Variants in KDM1B observed in about 807,000 individuals in gnomAD.
The protein encoded by KDM1B is lysine-specific histone demethylase 2.
A neutral mutation model predicts 107.4 loss-of-function variants in KDM1B; 63 were observed. The ratio of observed to expected loss-of-function variants is 0.59; its 90% CI spans 0.48 to 0.72. The LOEUF is 0.72. KDM1B is among the 30% of genes least tolerant of loss of function. The pLI, the probability that KDM1B is intolerant of heterozygous loss-of-function variation, is 0.00. For synonymous variants in KDM1B, 363 were observed against 363.9 expected, an observed-to-expected ratio of 1.00 and a Z score of 0.03; for missense variants, 749 against 1,020.8, an observed-to-expected ratio of 0.73 and a Z score of 3.63.
chr6:18,195,993 C>A (rs981798930), intron 10 of KDM1B, among the ~76,000 whole-genome samples: 2 of 152,030 alleles, frequency 1.3e-5, no homozygotes, highest in East Asian at 3.9e-4. Flanking sequence ...CCGCTATTCC[C>A]CCTCCCCTCA....
chr6:18,165,778 T>C (rs2328213), intron 5 of KDM1B, among the ~76,000 whole-genome samples: 140,529 of 152,304 alleles, frequency 0.92, 64,896 homozygotes, highest in African/African-American at 0.93. Flanking sequence ...GCCAAGATTG[T>C]GCCATTGCGC....
At chr6:18,196,943 A>T in intron 10 of KDM1B, 114 bp from the exon 11 acceptor site, 1 of 1,004,430 alleles carries the variant, frequency 1.0e-6, no homozygotes, top group South Asian at 1.6e-5. Context: ...TCTGCCTTTG[A>T]GAAATGTTGA....
chr6:18,194,952 C>T (rs894856758), intron 10 of KDM1B, among the ~76,000 whole-genome samples: 1 of 152,178 alleles, frequency 6.6e-6, no homozygotes, highest in African/African-American at 2.4e-5. Context: ...CTCATTTTCT[C>T]CTGCTCTCAG....
In KDM1B at chr6:18,213,022, G is replaced by C. The variant is rs889161309; in HGVS notation, c.1983+418G>C. ...ATTCTGACAGACCTATGAGTAGTGA[G>C]AGTTTAACTTAGGGACATACGCCCA... On this transcript the variant is annotated intron_variant, in intron 18 of 21. Coordinates refer to ENST00000650836, the MANE Select transcript of KDM1B (RefSeq NM_001364614.2). The surrounding 1 kb of genome is among the most constrained non-coding windows in gnomAD (Gnocchi z 5.9). Among the ~76,000 whole-genome samples the C allele has an allele frequency of 6.6e-6, 1 of 152,134 alleles. No homozygotes were observed. The highest frequency in any genetic ancestry group is 1.5e-5 in the Non-Finnish European group (1 of 68,024).
Position 18,205,258 on chromosome 6 carries a change from G to A in KDM1B, c.1532-279G>A, listed in dbSNP as rs537664837. On this transcript the variant is annotated intron_variant, in intron 14 of 21. Coordinates refer to ENST00000650836, the MANE Select transcript of KDM1B (RefSeq NM_001364614.2). This position sits in a 1 kb window ranked among gnomAD's most constrained non-coding sequence, Gnocchi z 5.7. ...CTTCTCAACGAAGCGAAATTGAGAC[G>A]TTTCTGAAGATATAGAACTTACATA... 3.9e-5 allele frequency among the ~76,000 whole-genome samples: 6 copies of A among 152,176 alleles called. No homozygotes were observed. Among genetic ancestry groups the A allele is most frequent in the Admixed American group, 6.6e-5 (1 of 15,254 alleles).
At chr6:18,210,355 T>TTTC in intron 17 of KDM1B, among the ~76,000 whole-genome samples, 1 of 47,960 alleles carries the variant, frequency 2.1e-5, no homozygotes. Flanking sequence ...TTTTTTTTTT[T>TTTC]TTTTTTTTTT....
At chr6:18,221,281 C>T (rs772863407) in intron 21 of KDM1B, among the ~76,000 whole-genome samples, 2 of 152,180 alleles carry the variant, frequency 1.3e-5, no homozygotes, top group African/African-American at 2.4e-5. Context: ...TCCACAGCCA[C>T]ATCTCAGACC....
At position 18,191,072 on chromosome 6, in the gene KDM1B, G is replaced by A. The variant is rs113339375; in HGVS notation, c.785-125G>A. 9.5e-3 allele frequency: 6,181 copies of A among 652,618 alleles called. 58 individuals are homozygous for A. The highest frequency in any genetic ancestry group is 9.4e-3 in the Non-Finnish European group (3,654 of 389,666). The allele number at this position is 652,618 out of a possible 1,614,324, so 40.4% of individuals were successfully genotyped here. ...TGTCTAACTGGGTGGAGGAAGCAAA[G>A]GTATTTATGTAGGGTAGAGAGTGGA... On this transcript the variant is annotated intron_variant, in intron 9 of 21. Transcript: ENST00000650836. The surrounding 1 kb of genome is among the most constrained non-coding windows in gnomAD (Gnocchi z 5.1).
intron 2 of KDM1B, among the ~76,000 whole-genome samples, chr6:18,157,497 A>C (rs546858092): frequency 1.6e-4 from 24 of 152,210 alleles, no homozygotes; most frequent in Non-Finnish European, 2.4e-4. Context: ...CCCAGGTGAC[A>C]GGGTCAAATG....
intron 20 of KDM1B, 85 bp from the exon 21 acceptor site, chr6:18,217,643 CTGGGA>C: frequency 9.3e-7 from 1 of 1,070,454 alleles, no homozygotes; most frequent in Non-Finnish European, 1.4e-6. Flanking sequence ...TCCCAAAGTG[CTGGGA>C]TGGGACTACA....
rs1321425886 is a variant in KDM1B at position 18,214,186 on chromosome 6, GGGAA to G, written c.2109+413_2109+416del. Among the ~76,000 whole-genome samples the G allele has an allele frequency of 6.6e-6, 1 of 152,120 alleles. No individual in the cohort carries two copies. The highest frequency in any genetic ancestry group is 6.5e-5 in the Admixed American group (1 of 15,274). On this transcript the variant is annotated intron_variant, in intron 19 of 21. Coordinates refer to ENST00000650836, the MANE Select transcript of KDM1B (RefSeq NM_001364614.2). The surrounding 1 kb of genome is among the most constrained non-coding windows in gnomAD (Gnocchi z 4.4). ...GAGTGTCAGCAGATGTGAGAGCTGA[GGGAA>G]GGAAGGAGAGAGGAGAATGGCATAC...
Position 18,215,056 on chromosome 6 carries a change from C to G in KDM1B, c.2159C>G (p.Ser720Cys), listed in dbSNP as rs758423524. The change falls in exon 20 of 22, where the codon TCC becomes TGC. Residue 720 changes from serine to cysteine, a missense_variant. Coordinates refer to ENST00000650836, the MANE Select transcript of KDM1B (RefSeq NM_001364614.2). ...GTGATTGCCGGGGAGGCTGTCGCAT[C>G]CGTGAGGACCCTGGATGACAAACAG... Reference protein sequence around the residue: ...MSVIAGEAVASVRTLDDKQVL... With the variant: ...MSVIAGEAVACVRTLDDKQVL... 9 of 1,613,958 alleles carry G rather than the reference C, an allele frequency of 5.6e-6. No homozygotes were observed. The highest frequency in any genetic ancestry group is 5.9e-6 in the Non-Finnish European group (7 of 1,180,020).
rs2150768175 is a variant in KDM1B, at chr6:18,162,260, G to T, written c.216-575G>T. 6.6e-6 allele frequency among the ~76,000 whole-genome samples: 1 copy of T among 152,288 alleles called. No homozygotes were observed. The highest frequency in any genetic ancestry group is 1.9e-4 in the East Asian group (1 of 5,176). On this transcript the variant is annotated intron_variant, in intron 4 of 21. Coordinates refer to ENST00000650836, the MANE Select transcript of KDM1B (RefSeq NM_001364614.2). The surrounding 1 kb of genome is among the most constrained non-coding windows in gnomAD (Gnocchi z 4.1). ...CGCTTGAACCCAGGAGGCAGAGGTT[G>T]CAATGAGCCTGAGATCGTGCCACTG... is the stretch of plus-strand genomic sequence containing the variant.
At chr6:18,210,195 C>T (rs549617487) in intron 17 of KDM1B, among the ~76,000 whole-genome samples, 90 of 152,288 alleles carry the variant, frequency 5.9e-4, no homozygotes, top group Middle Eastern at 3.4e-3. Flanking sequence ...TTCAACCCAA[C>T]GTGATAGACC....
At chr6:18,164,843 C>T (rs1785193533) in intron 5 of KDM1B, among the ~76,000 whole-genome samples, 1 of 151,826 alleles carries the variant, frequency 6.6e-6, no homozygotes, top group Non-Finnish European at 1.5e-5. Flanking sequence ...GCTGGGTTTC[C>T]CCATGTTGGC....
intron 7 of KDM1B, among the ~76,000 whole-genome samples, chr6:18,177,751 A>G (rs901508129): frequency 4.0e-5 from 6 of 151,860 alleles, no homozygotes; most frequent in African/African-American, 1.2e-4. Context: ...GGACATAGCC[A>G]TGCTCATTCC....
rs915192999 is a variant in KDM1B at position 18,159,644 on chromosome 6, G to A, written c.-13-239G>A. Among the ~76,000 whole-genome samples the A allele has an allele frequency of 3.5e-4, 53 of 152,286 alleles. No individual in the cohort carries two copies. The highest frequency in any genetic ancestry group is 1.1e-3 in the African/African-American group (47 of 41,564). ...GGCTTGAGCCAGGTGGTGTGGTGAC[G>A]TGCACCTGTATTCCCAACTACTTGG... On this transcript the variant is annotated intron_variant, in intron 2 of 21. Transcript: ENST00000650836. The surrounding 1 kb of genome is among the most constrained non-coding windows in gnomAD (Gnocchi z 4.5).
chr6:18,178,793 A>T (rs988301769), intron 7 of KDM1B, among the ~76,000 whole-genome samples: 3 of 152,256 alleles, frequency 2.0e-5, no homozygotes, highest in African/African-American at 7.2e-5. Context: ...GACTTTGTTA[A>T]CTTCACTTAC....
At chr6:18,189,370 G>A (rs412667) in intron 9 of KDM1B, among the ~76,000 whole-genome samples, 15,941 of 152,174 alleles carry the variant, frequency 0.1, 917 homozygotes, top group South Asian at 0.22. Flanking sequence ...GTATGTTTAC[G>A]AAGGAAGATT....
Sources: gnomAD v4.1 joint callset for allele counts (sites outside exome capture counted in the v4.1 genomes callset) on GRCh38, gnomAD v4.1.1 for gene constraint, Gnocchi (gnomAD v3.1) non-coding constraint, MANE v1.5 for transcripts, NCBI Gene and HGNC (gene_info 2026-07-23, HGNC 2026-07-21) for gene names.